NR5A2: variants seen among roughly 807,000 people sequenced by gnomAD.
NR5A2 encodes nuclear receptor subfamily 5 group A member 2.
A neutral mutation model predicts 62.7 loss-of-function variants in NR5A2; 26 were observed. The ratio of observed to expected loss-of-function variants is 0.41; its 90% CI spans 0.30 to 0.58. NR5A2 has a LOEUF of 0.58. Among genes scored for constraint, NR5A2 ranks in the 20% least tolerant of loss-of-function variants. The probability of loss-of-function intolerance (pLI) is 0.22; values close to 1 mark genes in which losing one functional copy is unlikely to be tolerated. For missense variants in NR5A2, 541 were observed against 669.1 expected (o/e 0.81, Z 2.11); for synonymous variants, 246 against 241.7 (o/e 1.02, Z -0.16).
At chr1:200,135,023 T>C (rs1196870492) in intron 7 of NR5A2, among the ~76,000 whole-genome samples, 2 of 152,202 alleles carry the variant, frequency 1.3e-5, no homozygotes, top group South Asian at 2.1e-4. Flanking sequence ...CCTATTCTTA[T>C]AACATTATCC....
chr1:200,053,959 G>A (rs960772425), intron 5 of NR5A2: 23 of 152,144 alleles, frequency 1.5e-4, no homozygotes, highest in African/African-American at 4.1e-4. Flanking sequence ...CCGTTAAAGC[G>A]GCCAAACACG....
At chr1:200,121,189 G>T (rs146770279) in intron 7 of NR5A2, among the ~76,000 whole-genome samples, 2,639 of 152,260 alleles carry the variant, frequency 0.017, 58 homozygotes, top group Non-Finnish European at 0.02. Flanking sequence ...TCATTCAAAT[G>T]AGTCCTGGTT....
At chr1:200,130,324 A>G (rs1487737261) in intron 7 of NR5A2, among the ~76,000 whole-genome samples, 42 of 145,132 alleles carry the variant, frequency 2.9e-4, no homozygotes, top group Admixed American at 1.6e-3. Context: ...AGAAGAAGAA[A>G]AAAAAAATCC....
intron 5 of NR5A2, among the ~76,000 whole-genome samples, chr1:200,088,439 T>A (rs1239052220): frequency 6.6e-6 from 1 of 152,032 alleles, no homozygotes; most frequent in Non-Finnish European, 1.5e-5. Context: ...GTATTTTTAG[T>A]AGTGACAGGG....
intron 5 of NR5A2, among the ~76,000 whole-genome samples, chr1:200,071,410 CT>C (rs1367913845): frequency 6.6e-6 from 1 of 152,180 alleles, no homozygotes; most frequent in Non-Finnish European, 1.5e-5. Flanking sequence ...GTAGCATCAA[CT>C]TTATCGAAAC....
chr1:200,087,738 A>AT (rs1023704905), intron 5 of NR5A2, among the ~76,000 whole-genome samples: 64 of 150,622 alleles, frequency 4.2e-4, no homozygotes, highest in South Asian at 2.1e-4. Context: ...GTCACATTTT[A>AT]TTTTTTTTAT....
At chr1:200,052,924 G>A (rs559976492) in intron 5 of NR5A2, among the ~76,000 whole-genome samples, 2 of 152,318 alleles carry the variant, frequency 1.3e-5, no homozygotes, top group South Asian at 4.1e-4. Flanking sequence ...ATAGGCATGA[G>A]CCACCGCACC....
intron 2 of NR5A2, chr1:200,042,746 A>C: frequency 1.5e-6 from 1 of 664,812 alleles, no homozygotes; most frequent in Non-Finnish European, 1.9e-6. Context: ...CCCATACTTG[A>C]CCTGTGTGGA....
At chr1:200,111,397 G>C (rs1363710660) in intron 6 of NR5A2, 76 bp downstream of exon 6, 6 of 1,498,798 alleles carry the variant, frequency 4.0e-6, no homozygotes, top group Non-Finnish European at 5.4e-6. Context: ...ATTTAACTAG[G>C]TCAGAAGCAC....
chr1:200,158,901 CTTTTT>C (rs111640682), intron 7 of NR5A2, among the ~76,000 whole-genome samples: 1 of 144,942 alleles, frequency 6.9e-6, no homozygotes. Flanking sequence ...ATGTTTGATT[CTTTTT>C]TTTTTTTTCC....
intron 7 of NR5A2, among the ~76,000 whole-genome samples, chr1:200,149,668 C>T (rs769512462): frequency 2.0e-5 from 3 of 152,192 alleles, no homozygotes; most frequent in Non-Finnish European, 4.4e-5. Context: ...ATAGCACACA[C>T]TCAGAAAACC....
chr1:200,136,753 G>A (rs1667239181), intron 7 of NR5A2, among the ~76,000 whole-genome samples: 1 of 152,156 alleles, frequency 6.6e-6, no homozygotes, highest in Non-Finnish European at 1.5e-5. Flanking sequence ...GATCCTTCTA[G>A]ATCCTACTTG....
chr1:200,115,798 T>C (rs1416267827), intron 6 of NR5A2, among the ~76,000 whole-genome samples: 1 of 152,084 alleles, frequency 6.6e-6, no homozygotes, highest in Non-Finnish European at 1.5e-5. Context: ...GCTGTCCAGA[T>C]GATTCAGCTT....
rs59372153 is a variant in NR5A2 at position 200,143,045 on chromosome 1, ATG to A, written c.1378+22105_1378+22106del. On this transcript the variant is annotated intron_variant, in intron 7 of 7. Transcript: ENST00000367362. ...TGCTGTATGTAAAAAGTGTGTGTGT[ATG>A]TGTGTGTGTGTGTGGTTTTTCACAT... 1.7e-4 allele frequency among the ~76,000 whole-genome samples: 26 copies of A among 150,654 alleles called. 1 individual carries two copies. In the South Asian group the frequency reaches 2.5e-3, roughly 15 times the overall value.
At chr1:200,074,783 CTTTAA>C (rs930442914) in intron 5 of NR5A2, among the ~76,000 whole-genome samples, 8 of 94,930 alleles carry the variant, frequency 8.4e-5, no homozygotes, top group African/African-American at 3.3e-4. Context: ...ATCTCAAACA[CTTTAA>C]TTTTTTTTTT....
intron 5 of NR5A2, among the ~76,000 whole-genome samples, chr1:200,105,688 A>G (rs1476661862): frequency 5.3e-5 from 8 of 152,234 alleles, no homozygotes; most frequent in Non-Finnish European, 1.2e-4. Flanking sequence ...TCCGGGGGTC[A>G]TACCCATAGT....
chr1:200,087,378 T>A (rs926852593), intron 5 of NR5A2, among the ~76,000 whole-genome samples: 1 of 152,110 alleles, frequency 6.6e-6, no homozygotes, highest in African/African-American at 2.4e-5. Flanking sequence ...TTCTCCTACT[T>A]GTACTCTCCA....
chr1:200,102,484 G>A (rs1665423403), intron 5 of NR5A2, among the ~76,000 whole-genome samples: 1 of 152,114 alleles, frequency 6.6e-6, no homozygotes, highest in African/African-American at 2.4e-5. Flanking sequence ...CAGCTATCAT[G>A]TTCATTTCCC....
At chr1:200,046,636 G>A (rs1400936112) in intron 4 of NR5A2, among the ~76,000 whole-genome samples, 1 of 152,030 alleles carries the variant, frequency 6.6e-6, no homozygotes. Flanking sequence ...TATGAGGACT[G>A]TTAATGTCAG....
Sources: gnomAD v4.1 joint callset for allele counts (sites outside exome capture counted in the v4.1 genomes callset) on GRCh38, gnomAD v4.1.1 for gene constraint, MANE v1.5 for transcripts, NCBI Gene and HGNC (gene_info 2026-07-23, HGNC 2026-07-21) for gene names.